Variants in DCSTAMP observed in about 807,000 individuals in gnomAD.
DCSTAMP encodes dendrocyte expressed seven transmembrane protein.
A neutral mutation model predicts 33.8 loss-of-function variants in DCSTAMP; 25 were observed. The observed-to-expected ratio is 0.74, with a 90% confidence interval of 0.54 to 1.03. DCSTAMP has a LOEUF of 1.03. Ranked by LOEUF, DCSTAMP falls within the 50% of genes least tolerant of loss-of-function variation. The pLI, the probability that DCSTAMP is intolerant of heterozygous loss-of-function variation, is 0.00. For synonymous variants in DCSTAMP, 245 were observed against 216.7 expected (o/e 1.13, Z -1.15); for missense variants, 531 against 556.8 (o/e 0.95, Z 0.47).
Position 104,355,168 on chromosome 8 carries a change from A to C in DCSTAMP, c.1321A>C (p.Ser441Arg). ...GCTGGGAGAAGTCAAAAGACGGCTGAGTCTCTATCTTACAAAGGTAAGGCC... is the reference window on the plus strand; with the variant it reads ...GCTGGGAGAAGTCAAAAGACGGCTGCGTCTCTATCTTACAAAGGTAAGGCC... ...QPLGEVKRRL[S>R]LYLTKIHFWL... The change falls in exon 3 of 4, where the codon AGT becomes CGT. Residue 441 changes from serine to arginine, a missense_variant. By Grantham distance (110) the Ser-to-Arg change is moderately radical. Coordinates refer to ENST00000297581, the MANE Select transcript of DCSTAMP (RefSeq NM_030788.4). The C allele has an allele frequency of 6.2e-7, 1 of 1,613,262 alleles. No individual in the cohort carries two copies. Among genetic ancestry groups the C allele is most frequent in the Non-Finnish European group, 8.5e-7 (1 of 1,179,730 alleles).
At position 104,349,056 on chromosome 8, in the gene DCSTAMP, C is replaced by T. The variant is rs1049372311; in HGVS notation, c.504C>T (p.Asn168=). 1 of 1,614,172 alleles carries T rather than the reference C, an allele frequency of 6.2e-7. No homozygotes were observed. Residue 168 remains asparagine (N), a synonymous_variant, in exon 2 of 4, where the codon AAC becomes AAT. Coordinates refer to ENST00000297581, the MANE Select transcript of DCSTAMP (RefSeq NM_030788.4). ...TATTTGATGACCTTGTTTCTTGGAA[C>T]CAGACCCTGGCAGTCTCTCTTTTCA... is the stretch of plus-strand genomic sequence containing the variant. ...LSVFDDLVSW[N]QTLAVSLFSP...
chr8:104,349,702 G>C, intron 2 of DCSTAMP, 121 bp downstream of exon 2: 1 of 1,140,164 alleles, frequency 8.8e-7, no homozygotes, highest in Non-Finnish European at 1.2e-6. Context: ...TTGGTGCCCA[G>C]CATAGTGCTT....
At position 104,349,414 on chromosome 8, in the gene DCSTAMP, A is replaced by C; in HGVS notation, c.862A>C (p.Lys288Gln). 6.2e-7 allele frequency: 1 copy of C among 1,614,188 alleles called. No individual in the cohort carries two copies. Among genetic ancestry groups the C allele is most frequent in the Non-Finnish European group, 8.5e-7 (1 of 1,180,042 alleles). ...VIIPTFWPTP[K>Q]ERKNLGLFFL... ...CATCCCGACTTTCTGGCCGACTCCT[A>C]AAGAAAGGAAAAACCTGGGGCTGTT... The change falls in exon 2 of 4, where the codon AAA (lysine) becomes CAA (glutamine). Residue 288 changes from lysine (K) to glutamine (Q), a missense_variant. Transcript: ENST00000297581.
intron 2 of DCSTAMP, among the ~76,000 whole-genome samples, chr8:104,353,225 G>A (rs554347551): frequency 6.6e-6 from 1 of 152,304 alleles, no homozygotes; most frequent in South Asian, 2.1e-4. Flanking sequence ...TCATTGCTTA[G>A]TGTTGTGCCA....
intron 2 of DCSTAMP, among the ~76,000 whole-genome samples, chr8:104,354,167 T>G (rs1332508090): frequency 6.6e-6 from 1 of 152,160 alleles, no homozygotes; most frequent in South Asian, 2.1e-4. Context: ...ATTTTTCCTA[T>G]TTTTAGGACC....
intron 1 of DCSTAMP, among the ~76,000 whole-genome samples, chr8:104,343,065 CA>C (rs375441525): frequency 3.3e-4 from 50 of 152,304 alleles, no homozygotes; most frequent in African/African-American, 1.1e-3. Flanking sequence ...ATCTGCATTT[CA>C]GGATTCTTTT....
intron 1 of DCSTAMP, among the ~76,000 whole-genome samples, chr8:104,340,752 G>C (rs995462028): frequency 2.0e-5 from 3 of 152,192 alleles, no homozygotes; most frequent in African/African-American, 7.2e-5. Context: ...GTCTCCGTTT[G>C]GCGCTCTTTT....
At chr8:104,344,887 G>A (rs1270964273) in intron 1 of DCSTAMP, among the ~76,000 whole-genome samples, 1 of 152,172 alleles carries the variant, frequency 6.6e-6, no homozygotes, top group Non-Finnish European at 1.5e-5. Context: ...AAGGAGGCAT[G>A]GGTGGCGTCA....
chr8:104,346,663 C>T lies in DCSTAMP; in HGVS notation c.-12-1878C>T, dbSNP rs116671029. Among the ~76,000 whole-genome samples, 827 of 152,330 alleles carry T rather than the reference C, an allele frequency of 5.4e-3. 7 individuals carry two copies. Among genetic ancestry groups the T allele is most frequent in the African/African-American group, 0.019 (776 of 41,566 alleles). ...GTGACCACTCTTCAACACTCAGGCTCGCCTCATATCTCTTTTCTGCTCTGA... is the reference window on the plus strand; with the variant it reads ...GTGACCACTCTTCAACACTCAGGCTTGCCTCATATCTCTTTTCTGCTCTGA... On this transcript the variant is annotated intron_variant, in intron 1 of 3. Transcript: ENST00000297581.
At chr8:104,344,340 G>A (rs1320822934) in intron 1 of DCSTAMP, among the ~76,000 whole-genome samples, 1 of 151,816 alleles carries the variant, frequency 6.6e-6, no homozygotes, top group African/African-American at 2.4e-5. Flanking sequence ...AACACTAAAA[G>A]TAATTAAATT....
chr8:104,348,755 C>A lies in DCSTAMP; in HGVS notation c.203C>A (p.Thr68Lys), dbSNP rs143444954. 5.5e-5 allele frequency: 88 copies of A among 1,614,028 alleles called. No individual in the cohort carries two copies. Among genetic ancestry groups the A allele is most frequent in the Non-Finnish European group, 7.2e-5 (85 of 1,180,040 alleles). ...GCGGCCGCTGCCTCCTGGATTATCA[C>A]GTGTGTTCTGCTGTGTTGCTCCAAG... is the stretch of plus-strand genomic sequence containing the variant. ...IIAAAASWII[T>K]CVLLCCSKHA... The change falls in exon 2 of 4, where the codon ACG (threonine) becomes AAG (lysine). Residue 68 changes from threonine to lysine, a missense_variant. Thr to Lys is a moderately conservative substitution (Grantham distance 78). Coordinates refer to ENST00000297581, the MANE Select transcript of DCSTAMP (RefSeq NM_030788.4).
chr8:104,345,327 C>A (rs532770043), intron 1 of DCSTAMP, among the ~76,000 whole-genome samples: 31 of 152,084 alleles, frequency 2.0e-4, no homozygotes, highest in South Asian at 6.2e-4. Context: ...GAGAAGAAAT[C>A]AATGCCACAG....
In DCSTAMP at chr8:104,349,079, T is replaced by C; in HGVS notation, c.527T>C (p.Phe176Ser). The C allele has an allele frequency of 2.5e-6, 4 of 1,614,186 alleles. No homozygotes were observed. The highest frequency in any genetic ancestry group is 3.4e-6 in the Non-Finnish European group (4 of 1,180,042). Reference sequence around the variant, plus strand: ...AACCAGACCCTGGCAGTCTCTCTTTTCAGTCCCAGCCATGTCCTGGAGGCA... The same window carrying C: ...AACCAGACCCTGGCAGTCTCTCTTTCCAGTCCCAGCCATGTCCTGGAGGCA... ...SWNQTLAVSL[F>S]SPSHVLEAQL... The change falls in exon 2 of 4, where the codon TTC (phenylalanine) becomes TCC (serine). Residue 176 changes from phenylalanine (F) to serine (S), a missense_variant. Transcript: ENST00000297581.
At chr8:104,350,941 C>A (rs1202410629) in intron 2 of DCSTAMP, among the ~76,000 whole-genome samples, 1 of 152,170 alleles carries the variant, frequency 6.6e-6, no homozygotes, top group African/African-American at 2.4e-5. Context: ...AGATTGAGAA[C>A]CCCTGTTCTA....
At chr8:104,343,441 G>A (rs1369052727) in intron 1 of DCSTAMP, among the ~76,000 whole-genome samples, 3 of 152,210 alleles carry the variant, frequency 2.0e-5, no homozygotes, top group Admixed American at 6.5e-5. Flanking sequence ...TATGTATTCT[G>A]TGGTGACTCA....
At chr8:104,355,907 A>G (rs1481152863) in intron 3 of DCSTAMP, among the ~76,000 whole-genome samples, 10 of 152,212 alleles carry the variant, frequency 6.6e-5, no homozygotes, top group Non-Finnish European at 1.2e-4. Context: ...GACAAGAATC[A>G]CTCACATTGT....
intron 1 of DCSTAMP, chr8:104,340,396 A>G (rs2099382583): frequency 6.6e-6 from 1 of 152,234 alleles, no homozygotes; most frequent in Admixed American, 6.5e-5. Flanking sequence ...CTCCTGCTCA[A>G]GCTATTTTGG....
chr8:104,349,352 T>C lies in DCSTAMP; in HGVS notation c.800T>C (p.Leu267Pro), dbSNP rs1172598258. The change falls in exon 2 of 4, where the codon CTC (leucine) becomes CCC (proline). Residue 267 changes from leucine (L) to proline (P), a missense_variant. Leu to Pro is a moderately conservative substitution (Grantham distance 98, BLOSUM62 -3). Transcript: ENST00000297581. The stretch of plus-strand genomic sequence containing the variant: ...AGACATCAACAGAGGCCCTGTGTGC[T>C]CCCGCTGAATAAGGAGGAAAGGAGG... ...RERHQQRPCV[L>P]PLNKEERRKY... 1 of 1,614,182 alleles carries C rather than the reference T, an allele frequency of 6.2e-7. No individual in the cohort carries two copies. The highest frequency in any genetic ancestry group is 2.2e-5 in the East Asian group (1 of 44,882).
intron 2 of DCSTAMP, among the ~76,000 whole-genome samples, chr8:104,350,667 C>G (rs1810435321): frequency 6.6e-6 from 1 of 152,180 alleles, no homozygotes; most frequent in African/African-American, 2.4e-5. Flanking sequence ...TTTGTTTTAA[C>G]TGGGAGAGCA....
Sources: allele counts gnomAD v4.1 joint callset (sites outside exome capture counted in the v4.1 genomes callset), GRCh38; gene constraint gnomAD v4.1.1; transcripts MANE v1.5; gene names NCBI Gene and HGNC (gene_info 2026-07-23, HGNC 2026-07-21).